The following MICU1 variants were observed in gnomAD, a reference collection of about 807,000 sequenced individuals.
MICU1 encodes the protein calcium uptake protein 1, mitochondrial.
Under a neutral mutation model 56.8 loss-of-function variants are expected in MICU1, and 45 were observed. The ratio of observed to expected loss-of-function variants is 0.79; its 90% confidence interval spans 0.62 to 1.02. MICU1 has a LOEUF of 1.02. Among genes scored for constraint, MICU1 ranks in the 50% least tolerant of loss-of-function variants. The pLI is 0.00. For missense variants in MICU1, 504 were observed against 587.1 expected, an observed-to-expected ratio of 0.86 and a Z score of 1.46; for synonymous variants, 186 against 195.1, an observed-to-expected ratio of 0.95 and a Z score of 0.39.
At chr10:72,377,736 TGAA>T (rs1283015699) in intron 10 of MICU1, among the ~76,000 whole-genome samples, 3 of 152,220 alleles carry the variant, frequency 2.0e-5, no homozygotes, top group Non-Finnish European at 4.4e-5. Flanking sequence ...ATGCTGGTAA[TGAA>T]GAGCTCTCTA....
chr10:72,374,524 G>C (rs114251668), intron 11 of MICU1, among the ~76,000 whole-genome samples: 334 of 152,244 alleles, frequency 2.2e-3, no homozygotes, highest in African/African-American at 7.9e-3. Flanking sequence ...AAGGTCCTAT[G>C]GGGGGTAGGA....
At chr10:72,402,102 A>G (rs998480120) in intron 10 of MICU1, among the ~76,000 whole-genome samples, 2 of 152,114 alleles carry the variant, frequency 1.3e-5, no homozygotes, top group Non-Finnish European at 2.9e-5. Flanking sequence ...AATGTCTATC[A>G]GTCTCATAAG....
At chr10:72,587,017 C>A (rs983149030) in intron 1 of MICU1, among the ~76,000 whole-genome samples, 2 of 152,154 alleles carry the variant, frequency 1.3e-5, no homozygotes, top group Admixed American at 1.3e-4. Context: ...AATCTCAGGG[C>A]ATGACTTCTC....
chr10:72,607,164 A>T (rs920872082), intron 1 of MICU1, among the ~76,000 whole-genome samples: 4 of 151,848 alleles, frequency 2.6e-5, no homozygotes, highest in African/African-American at 9.7e-5. Context: ...AACATGGTGA[A>T]ACCCTGTCTC....
At chr10:72,401,261 T>C (rs140098485) in intron 10 of MICU1, among the ~76,000 whole-genome samples, 1 of 152,372 alleles carries the variant, frequency 6.6e-6, no homozygotes, top group East Asian at 1.9e-4. Flanking sequence ...TGAGGTGTAA[T>C]TGACAAATAC....
chr10:72,391,622 C>G lies in MICU1; in HGVS notation c.1181-15750G>C, dbSNP rs1415487767. Among the ~76,000 whole-genome samples, 4 of 151,934 alleles carry G rather than the reference C, an allele frequency of 2.6e-5. No homozygotes were observed. The South Asian group carries it at 8.3e-4, about 31-fold the overall frequency. On this transcript the variant is annotated intron_variant, in intron 10 of 11. Coordinates refer to ENST00000361114, the MANE Select transcript of MICU1 (RefSeq NM_001195518.2). ...AAGTACAGTTGGCCCTGGAACAACA[C>G]AGGCTTGAACTGCATAGGTCCACTT...
At chr10:72,620,386 A>G (rs775123017) in intron 1 of MICU1, among the ~76,000 whole-genome samples, 6 of 152,130 alleles carry the variant, frequency 3.9e-5, no homozygotes, top group Non-Finnish European at 5.9e-5. Context: ...GGGTTTCACC[A>G]CGTTGCCCAG....
chr10:72,374,580 T>C (rs958221182), intron 11 of MICU1, among the ~76,000 whole-genome samples: 2 of 152,000 alleles, frequency 1.3e-5, no homozygotes, highest in African/African-American at 4.8e-5. Flanking sequence ...CAGGGAACCA[T>C]GTTAAGGAAT....
intron 9 of MICU1, among the ~76,000 whole-genome samples, chr10:72,409,854 T>C (rs1863750273): frequency 6.6e-6 from 1 of 152,172 alleles, no homozygotes; most frequent in Admixed American, 6.5e-5. Context: ...TCTTGCAAAG[T>C]GAACACCCAC....
At chr10:72,541,518 T>C (rs2132425320) in intron 4 of MICU1, among the ~76,000 whole-genome samples, 1 of 152,280 alleles carries the variant, frequency 6.6e-6, no homozygotes, top group Admixed American at 6.5e-5. Context: ...TGACTGAACC[T>C]GTCCTGTGGC....
intron 9 of MICU1, among the ~76,000 whole-genome samples, chr10:72,413,465 G>A (rs1863889075): frequency 6.6e-6 from 1 of 152,172 alleles, no homozygotes; most frequent in South Asian, 2.1e-4. Context: ...GGGCGCAGTG[G>A]CTCACACCTG....
intron 8 of MICU1, among the ~76,000 whole-genome samples, chr10:72,424,120 A>G (rs7073226): frequency 2.3e-3 from 145 of 61,742 alleles, no homozygotes; most frequent in African/African-American, 3.7e-3. Flanking sequence ...TTTCCCCCCC[A>G]CCTTTTTTTT....
chr10:72,458,940 G>A (rs1410384002), intron 8 of MICU1, among the ~76,000 whole-genome samples: 1 of 149,684 alleles, frequency 6.7e-6, no homozygotes, highest in Non-Finnish European at 1.5e-5. Flanking sequence ...TGTTGCCCAG[G>A]CTGGTCTCAA....
intron 6 of MICU1, among the ~76,000 whole-genome samples, chr10:72,478,827 G>T (rs1331264104): frequency 6.6e-6 from 1 of 152,130 alleles, no homozygotes; most frequent in East Asian, 1.9e-4. Flanking sequence ...CAGAGACAGG[G>T]TTTCAACATG....
At position 72,367,361 on chromosome 10, in the gene MICU1, A is replaced by C. The variant is rs945231023; in HGVS notation, c.*834T>G. 6.6e-6 allele frequency: 1 copy of C among 152,346 alleles called. No individual in the cohort carries two copies. Among genetic ancestry groups the C allele is most frequent in the Non-Finnish European group, 1.5e-5 (1 of 68,042 alleles). 9.4% of individuals were successfully genotyped at this position (152,346 alleles called of 1,614,324 possible). A position where few individuals can be genotyped will look rare whatever the true frequency, so the allele number is the denominator to read the frequency against. Reference sequence around the variant, plus strand: ...AGGGAACTTTGGGGATGTTTATTGCAAATGGTTATAATTTAAGTGATATTT... The same window carrying C: ...AGGGAACTTTGGGGATGTTTATTGCCAATGGTTATAATTTAAGTGATATTT... On this transcript the variant is annotated 3_prime_UTR_variant, in exon 12 of 12. Coordinates refer to ENST00000361114, the MANE Select transcript of MICU1 (RefSeq NM_001195518.2).
intron 8 of MICU1, among the ~76,000 whole-genome samples, chr10:72,436,391 C>G (rs560203079): frequency 6.6e-6 from 1 of 152,242 alleles, no homozygotes; most frequent in South Asian, 2.1e-4. Flanking sequence ...GACGTCCACA[C>G]CAAAACTCCA....
intron 3 of MICU1, among the ~76,000 whole-genome samples, chr10:72,554,049 T>C (rs1487707713): frequency 2.0e-5 from 3 of 152,180 alleles, no homozygotes; most frequent in Admixed American, 1.3e-4. Context: ...CTTATAAGAC[T>C]TTCTTGAGCA....
intron 7 of MICU1, chr10:72,475,725 AG>A (rs1251623505): frequency 5.2e-6 from 2 of 381,202 alleles, no homozygotes; most frequent in Non-Finnish European, 1.0e-5. Context: ...CACCGCGCCC[AG>A]CCTACAATAA....
chr10:72,507,413 A>G (rs1238619487), intron 6 of MICU1, among the ~76,000 whole-genome samples: 1 of 152,214 alleles, frequency 6.6e-6, no homozygotes, highest in Admixed American at 6.5e-5. Context: ...AAGTGAGTCA[A>G]AATTGAGTTT....
Sources: allele counts gnomAD v4.1 joint callset (sites outside exome capture counted in the v4.1 genomes callset), GRCh38; gene constraint gnomAD v4.1.1; transcripts MANE v1.5; gene names NCBI Gene and HGNC (gene_info 2026-07-23, HGNC 2026-07-21).